PHF24: variants seen among roughly 807,000 people sequenced by gnomAD.
PHF24 encodes the protein PHD finger protein 24, also known as Galpha inhibitory interacting protein.
Under a neutral mutation model 42.6 loss-of-function variants are expected in PHF24, and 25 were observed. The ratio of observed to expected loss-of-function variants is 0.59; its 90% CI spans 0.43 to 0.82. The LOEUF (loss-of-function observed/expected upper bound fraction) is 0.82. Among genes scored for constraint, PHF24 ranks in the 40% least tolerant of loss-of-function variants. The pLI is 0.00. For missense variants in PHF24, 470 were observed against 538.1 expected (o/e 0.87, Z 1.25); for synonymous variants, 185 against 204.8 (o/e 0.90, Z 0.83).
At chr9:34,945,633 G>A in the PHF24 span, among the ~76,000 whole-genome samples, 2 of 152,136 alleles carry the variant, frequency 1.3e-5, no homozygotes, top group Non-Finnish European at 2.9e-5. Context: ...CACTGTCATA[G>A]GAGTGGGTTC....
the PHF24 span, among the ~76,000 whole-genome samples, chr9:34,712,418 C>A: frequency 6.6e-6 from 1 of 151,996 alleles, no homozygotes; most frequent in South Asian, 2.1e-4. Context: ...CCTGAGACTC[C>A]TGTGATGAGG....
At chr9:34,699,143 C>A in the PHF24 span, among the ~76,000 whole-genome samples, 186 of 152,306 alleles carry the variant, frequency 1.2e-3, 9 homozygotes, top group South Asian at 0.037. Context: ...TGAGACCAGA[C>A]CTTAGAAGTT....
At chr9:34,707,376 G>A in the PHF24 span, among the ~76,000 whole-genome samples, 35,546 of 152,200 alleles carry the variant, frequency 0.23, 5,221 homozygotes, top group South Asian at 0.34. Flanking sequence ...TGTGACCTTT[G>A]CATAACCCTT....
At chr9:34,738,668 T>C in the PHF24 span, among the ~76,000 whole-genome samples, 1 of 152,162 alleles carries the variant, frequency 6.6e-6, no homozygotes, top group Admixed American at 6.5e-5. Context: ...CATCTAAGGA[T>C]GGACATGGGA....
At chr9:34,762,822 T>C in the PHF24 span, among the ~76,000 whole-genome samples, 19 of 152,374 alleles carry the variant, frequency 1.2e-4, no homozygotes, top group African/African-American at 4.6e-4. Flanking sequence ...AGGGTTTTTA[T>C]GGTTTTAGGT....
chr9:34,787,239 A>G, the PHF24 span, among the ~76,000 whole-genome samples: 1 of 152,186 alleles, frequency 6.6e-6, no homozygotes, highest in Admixed American at 6.5e-5. Context: ...AGAAACTAAT[A>G]AATTTTTCAA....
At chr9:34,766,043 G>T in the PHF24 span, among the ~76,000 whole-genome samples, 1 of 152,118 alleles carries the variant, frequency 6.6e-6, no homozygotes, top group African/African-American at 2.4e-5. Context: ...CTCTCTTCTG[G>T]CTTGTAGAGT....
chr9:34,819,348 T>A, the PHF24 span, among the ~76,000 whole-genome samples: 2 of 152,126 alleles, frequency 1.3e-5, no homozygotes, highest in East Asian at 3.8e-4. Flanking sequence ...TTTCCTAGTT[T>A]ATTAAGGTGG....
At chr9:34,911,143 C>T in the PHF24 span, among the ~76,000 whole-genome samples, 1 of 151,894 alleles carries the variant, frequency 6.6e-6, no homozygotes, top group Admixed American at 6.6e-5. Context: ...TAATTACTAA[C>T]TATTCTTGGT....
the PHF24 span, among the ~76,000 whole-genome samples, chr9:34,766,195 C>T: frequency 6.6e-6 from 1 of 152,158 alleles, no homozygotes; most frequent in South Asian, 2.1e-4. Context: ...TTGCTCTTCT[C>T]GAATGGTATC....
chr9:34,786,676 T>C, the PHF24 span, among the ~76,000 whole-genome samples: 82,577 of 152,066 alleles, frequency 0.54, 24,011 homozygotes, highest in Middle Eastern at 0.65. Flanking sequence ...GAAAACTTGT[T>C]GGTCATTTTC....
chr9:34,901,613 A>C, the PHF24 span, among the ~76,000 whole-genome samples: 6 of 152,294 alleles, frequency 3.9e-5, no homozygotes, highest in African/African-American at 1.4e-4. Flanking sequence ...AAATAAAAAT[A>C]GGGGGTCGGG....
chr9:34,810,569 C>T, the PHF24 span, among the ~76,000 whole-genome samples: 2 of 152,106 alleles, frequency 1.3e-5, no homozygotes, highest in Admixed American at 1.3e-4. Context: ...AGAGGGCCCC[C>T]TAGAAAAGGA....
intron 1 of PHF24, among the ~76,000 whole-genome samples, chr9:34,967,798 C>G (rs1014817722): frequency 1.3e-5 from 2 of 152,316 alleles, no homozygotes; most frequent in African/African-American, 2.4e-5. Context: ...ATCCCCACCC[C>G]ACCCTGGCTA....
the PHF24 span, chr9:34,726,765 G>T: frequency 9.7e-6 from 15 of 1,551,642 alleles, no homozygotes; most frequent in Admixed American, 2.0e-5. Context: ...TCTCTGGTGT[G>T]CCAGGAATGA....
the PHF24 span, among the ~76,000 whole-genome samples, chr9:34,858,370 C>T: frequency 6.6e-6 from 1 of 152,080 alleles, no homozygotes; most frequent in Non-Finnish European, 1.5e-5. Flanking sequence ...TGGCTTGGTG[C>T]CTGCTGAGGG....
At chr9:34,915,026 C>CTTTTTTTTTTTTTTTTTTT in the PHF24 span, among the ~76,000 whole-genome samples, 3 of 37,450 alleles carry the variant, frequency 8.0e-5, no homozygotes, top group Non-Finnish European at 9.0e-5. Flanking sequence ...TTTTTCTTTT[C>CTTTTTTTTTTTTTTTTTTT]TTTTTTTTTT....
chr9:34,760,814 A>G, the PHF24 span, among the ~76,000 whole-genome samples: 4 of 152,182 alleles, frequency 2.6e-5, no homozygotes, highest in African/African-American at 9.7e-5. Context: ...CAACATGGCG[A>G]AAACTGGTCT....
the PHF24 span, among the ~76,000 whole-genome samples, chr9:34,881,641 C>G: frequency 6.6e-6 from 1 of 152,160 alleles, no homozygotes; most frequent in Non-Finnish European, 1.5e-5. Context: ...GACACATACA[C>G]CCTCCCAAGA....
Sources: allele counts gnomAD v4.1 joint callset (sites outside exome capture counted in the v4.1 genomes callset), GRCh38; gene constraint gnomAD v4.1.1; transcripts MANE v1.5; gene names NCBI Gene and HGNC (gene_info 2026-07-23, HGNC 2026-07-21).